GNA13: variants seen among roughly 807,000 people sequenced by gnomAD.
The protein encoded by GNA13 is guanine nucleotide-binding protein subunit alpha-13.
GNA13 carries 4 observed loss-of-function variants against 33.5 expected under a neutral mutation model. That is an observed-to-expected ratio of 0.12 (90% confidence interval 0.06 to 0.27). The LOEUF (loss-of-function observed/expected upper bound fraction) is 0.27. Ranked by LOEUF, GNA13 falls within the 10% of genes least tolerant of loss-of-function variation. The pLI is 1.00. For synonymous variants in GNA13, 176 were observed against 183.8 expected, an observed-to-expected ratio of 0.96 and a Z score of 0.34; for missense variants, 319 against 487.2, an observed-to-expected ratio of 0.65 and a Z score of 3.25.
In GNA13 at chr17:65,011,529, C is replaced by A. The variant is rs539745241; in HGVS notation, c.*2728G>T. 1 of 203,524 alleles carries A rather than the reference C, an allele frequency of 4.9e-6. No homozygotes were observed. The highest frequency in any genetic ancestry group is 1.9e-4 in the South Asian group (1 of 5,264). The allele number at this position is 203,524 out of a possible 1,614,324, so 12.6% of individuals were successfully genotyped here. A position where few individuals can be genotyped will look rare whatever the true frequency, so the allele number is the denominator to read the frequency against. On this transcript the variant is annotated 3_prime_UTR_variant, in exon 4 of 4. Transcript: ENST00000439174. ...TTTTCAGAAAACATTTGACAAAACC[C>A]TTTCTCTATAAAAGTTATGGTCTAA... is the stretch of plus-strand genomic sequence containing the variant.
At chr17:65,017,991 A>T (rs1398948109) in intron 3 of GNA13, among the ~76,000 whole-genome samples, 1 of 151,816 alleles carries the variant, frequency 6.6e-6, no homozygotes, top group Admixed American at 6.6e-5. Context: ...TGTCGTGATT[A>T]AACAATAAAA....
chr17:65,028,694 A>C (rs967791914), intron 2 of GNA13, among the ~76,000 whole-genome samples: 2 of 152,156 alleles, frequency 1.3e-5, no homozygotes, highest in African/African-American at 4.8e-5. Context: ...CACAACCTTA[A>C]GCAACTTTCA....
chr17:65,043,415 T>A (rs913201063), intron 2 of GNA13, among the ~76,000 whole-genome samples: 1 of 151,856 alleles, frequency 6.6e-6, no homozygotes, highest in South Asian at 2.1e-4. Flanking sequence ...GACCCCCGAG[T>A]AGCTGGGACC....
intron 2 of GNA13, among the ~76,000 whole-genome samples, chr17:65,022,218 A>C (rs1906607258): frequency 6.6e-6 from 1 of 152,208 alleles, no homozygotes; most frequent in African/African-American, 2.4e-5. Flanking sequence ...AGCCACGCTC[A>C]CCTGTTGGTG....
In GNA13 at chr17:65,012,297, C is replaced by T. The variant is rs1906217772; in HGVS notation, c.*1960G>A. 1 of 223,356 alleles carries T rather than the reference C, an allele frequency of 4.5e-6. No individual in the cohort carries two copies. The allele number at this position is 223,356 out of a possible 1,614,324, so 13.8% of individuals were successfully genotyped here. A position where few individuals can be genotyped will look rare whatever the true frequency, so the allele number is the denominator to read the frequency against. On this transcript the variant is annotated 3_prime_UTR_variant, in exon 4 of 4. Transcript: ENST00000439174. ...TCAAATGTTTTGGCCATTCAATTTG[C>T]TAAATGTATGGGTAAACTCTCCAAT... is the stretch of plus-strand genomic sequence containing the variant.
In GNA13 at chr17:65,011,944, T is replaced by C. The variant is rs1369530077; in HGVS notation, c.*2313A>G. 1 of 225,660 alleles carries C rather than the reference T, an allele frequency of 4.4e-6. No individual in the cohort carries two copies. The highest frequency in any genetic ancestry group is 8.8e-6 in the Non-Finnish European group (1 of 113,448). The allele number at this position is 225,660 out of a possible 1,614,324, so 14.0% of individuals were successfully genotyped here. On this transcript the variant is annotated 3_prime_UTR_variant, in exon 4 of 4. Coordinates refer to ENST00000439174, the MANE Select transcript of GNA13 (RefSeq NM_006572.6). ...GTATAAAAAAATGTGGACTGAAGCC[T>C]TTAGATTGAACTTAAAGTTCTACTG...
At chr17:65,035,896 A>C (rs1907230453) in intron 2 of GNA13, among the ~76,000 whole-genome samples, 1 of 152,104 alleles carries the variant, frequency 6.6e-6, no homozygotes, top group Admixed American at 6.5e-5. Flanking sequence ...CAATTCCTCC[A>C]CTATCTAAAG....
intron 2 of GNA13, among the ~76,000 whole-genome samples, chr17:65,034,770 A>G (rs1437570025): frequency 6.6e-6 from 1 of 152,136 alleles, no homozygotes; most frequent in Non-Finnish European, 1.5e-5. Context: ...AGTTTTAGCC[A>G]TATGTTTAGT....
chr17:65,046,080 G>A, intron 2 of GNA13, among the ~76,000 whole-genome samples: 1 of 152,142 alleles, frequency 6.6e-6, no homozygotes, highest in East Asian at 1.9e-4. Context: ...TTTAATCTGT[G>A]AAATGCGGAT....
At chr17:65,045,876 G>T (rs1242284787) in intron 2 of GNA13, among the ~76,000 whole-genome samples, 2 of 152,190 alleles carry the variant, frequency 1.3e-5, no homozygotes, top group African/African-American at 4.8e-5. Flanking sequence ...TGTATGGGTG[G>T]TGGTCAGAAG....
chr17:65,037,082 A>G (rs1907274770), intron 2 of GNA13, among the ~76,000 whole-genome samples: 1 of 152,236 alleles, frequency 6.6e-6, no homozygotes, highest in Non-Finnish European at 1.5e-5. Context: ...TATTACCCCA[A>G]CTAAATTGGA....
chr17:65,033,487 TAAAAAAAATAATTAAA>T (rs1031292402), intron 2 of GNA13, among the ~76,000 whole-genome samples: 1 of 149,970 alleles, frequency 6.7e-6, no homozygotes, highest in East Asian at 2.0e-4. Context: ...ACCCTGCCTT[TAAAAAAAATAATTAAA>T]AAAAAAAAAT....
intron 2 of GNA13, among the ~76,000 whole-genome samples, chr17:65,037,778 G>GAAAAAAAAAAAAA (rs71158360): frequency 1.0e-5 from 1 of 99,140 alleles, no homozygotes; most frequent in Admixed American, 1.5e-4. Flanking sequence ...TACAAAAATG[G>GAAAAAAAAAAAAA]AAAAAAAAAA....
chr17:65,032,971 C>T (rs545800084), intron 2 of GNA13, among the ~76,000 whole-genome samples: 63 of 152,102 alleles, frequency 4.1e-4, no homozygotes, highest in African/African-American at 1.3e-3. Context: ...ATTAGCCGGG[C>T]GTGGTGGCTG....
chr17:65,024,247 C>T (rs1239214277), intron 2 of GNA13, among the ~76,000 whole-genome samples: 1 of 151,980 alleles, frequency 6.6e-6, no homozygotes, highest in Admixed American at 6.5e-5. Context: ...GCAAGACCTT[C>T]TCCAAAAAAT....
chr17:65,020,339 T>G (rs917561536), intron 2 of GNA13, among the ~76,000 whole-genome samples: 1 of 152,212 alleles, frequency 6.6e-6, no homozygotes, highest in African/African-American at 2.4e-5. Flanking sequence ...AGGTCTCCAT[T>G]TCCCCCAGAG....
intron 2 of GNA13, among the ~76,000 whole-genome samples, chr17:65,052,621 AC>A (rs1907896609): frequency 6.6e-6 from 1 of 152,260 alleles, no homozygotes; most frequent in Non-Finnish European, 1.5e-5. Context: ...AAATTACAAA[AC>A]ACTTGATTAA....
chr17:65,056,486 T>C lies in GNA13; in HGVS notation c.108A>G (p.Lys36=), dbSNP rs374120801. The change falls in exon 1 of 4, where the codon AAA becomes AAG. Residue 36 remains lysine, a synonymous_variant. Transcript: ENST00000439174. ...CATAGGTCTTTTCCCGAGACAGGCA[T>C]TTGTCGATCTCCTTGGACTTGCGTT... is the stretch of plus-strand genomic sequence containing the variant. ...EQQRKSKEID[K]CLSREKTYVK... The C allele has an allele frequency of 4.0e-5, 64 of 1,613,302 alleles. No homozygotes were observed. Among genetic ancestry groups the C allele is most frequent in the Non-Finnish European group, 5.3e-5 (62 of 1,179,802 alleles).
chr17:65,014,804 A>G lies in GNA13; in HGVS notation c.587T>C (p.Ile196Thr), dbSNP rs758704526. ...TTTGGTGGGTCTTCTGGCAAGCAGA[A>G]TATCTTGTTGTGATGGAATATAATC... ...EPDYIPSQQD[I>T]LLARRPTKGI... Residue 196 changes from isoleucine (I) to threonine (T), a missense_variant, in exon 4 of 4, where the codon ATT (isoleucine) becomes ACT (threonine). Ile to Thr is a moderately conservative substitution (Grantham distance 89). Transcript: ENST00000439174. This position sits in a 1 kb window ranked among gnomAD's most constrained non-coding sequence, Gnocchi z 5.3. The G allele has an allele frequency of 6.2e-7, 1 of 1,612,334 alleles. No homozygotes were observed. The highest frequency in any genetic ancestry group is 1.1e-5 in the South Asian group (1 of 91,044).
Sources: allele counts gnomAD v4.1 joint callset (sites outside exome capture counted in the v4.1 genomes callset), GRCh38; gene constraint gnomAD v4.1.1; non-coding constraint Gnocchi (gnomAD v3.1); transcripts MANE v1.5; gene names NCBI Gene and HGNC (gene_info 2026-07-23, HGNC 2026-07-21).